Variants in EHBP1 observed in about 807,000 individuals in gnomAD.
EHBP1 encodes the protein EH domain-binding protein 1.
In EHBP1, 55 loss-of-function variants were observed where a neutral mutation model predicts 144.0. That is an observed-to-expected ratio of 0.38 (90% confidence interval 0.31 to 0.48). EHBP1 has a LOEUF of 0.48. EHBP1 is among the 20% of genes least tolerant of loss of function. The probability of loss-of-function intolerance (pLI) is 0.98; values close to 1 mark genes in which losing one functional copy is unlikely to be tolerated. For synonymous variants in EHBP1, 469 were observed against 472.7 expected, an observed-to-expected ratio of 0.99 and a Z score of 0.10; for missense variants, 1,200 against 1,364.2, an observed-to-expected ratio of 0.88 and a Z score of 1.90.
chr2:63,031,587 A>G (rs944874802), intron 19 of EHBP1, among the ~76,000 whole-genome samples: 1 of 152,188 alleles, frequency 6.6e-6, no homozygotes, highest in African/African-American at 2.4e-5. Context: ...GGCTCTTAGC[A>G]ATAAAAAGTT....
chr2:62,933,846 A>G (rs750566256), intron 10 of EHBP1, among the ~76,000 whole-genome samples: 2 of 152,164 alleles, frequency 1.3e-5, no homozygotes, highest in Non-Finnish European at 2.9e-5. Flanking sequence ...CATAAATGGA[A>G]TCATATGATA....
intron 14 of EHBP1, among the ~76,000 whole-genome samples, chr2:62,957,483 A>G (rs982813701): frequency 1.3e-5 from 2 of 152,136 alleles, no homozygotes; most frequent in Non-Finnish European, 2.9e-5. Context: ...CAATATCATA[A>G]TGGGGAACCT....
intron 21 of EHBP1, among the ~76,000 whole-genome samples, chr2:63,040,920 AGAAAAAAACACAT>A (rs2061634401): frequency 6.6e-6 from 1 of 152,254 alleles, no homozygotes; most frequent in Non-Finnish European, 1.5e-5. Flanking sequence ...AACACACCAC[AGAAAAAAACACAT>A]GAATAAGCAA....
intron 10 of EHBP1, among the ~76,000 whole-genome samples, chr2:62,912,506 T>C (rs1170227328): frequency 6.6e-6 from 1 of 152,092 alleles, no homozygotes; most frequent in Non-Finnish European, 1.5e-5. Context: ...GAGCCAAAAT[T>C]GTGTCGCTGC....
chr2:62,942,517 C>T (rs1334287343), intron 10 of EHBP1, among the ~76,000 whole-genome samples: 1 of 152,186 alleles, frequency 6.6e-6, no homozygotes, highest in Non-Finnish European at 1.5e-5. Flanking sequence ...GCATCCTTGT[C>T]AGGCAAATGC....
intron 6 of EHBP1, among the ~76,000 whole-genome samples, chr2:62,827,364 G>A (rs2152622459): frequency 6.6e-6 from 1 of 152,212 alleles, no homozygotes; most frequent in Non-Finnish European, 1.5e-5. Flanking sequence ...TTACCCTGAA[G>A]TTTAAGCCAA....
At chr2:62,945,979 T>C (rs2153083989) in intron 12 of EHBP1, among the ~76,000 whole-genome samples, 1 of 134,686 alleles carries the variant, frequency 7.4e-6, no homozygotes, top group South Asian at 2.6e-4. Flanking sequence ...CCTGTGTCTA[T>C]TAAAGTGAAA....
chr2:62,826,334 G>A, intron 6 of EHBP1, 66 bp downstream of exon 6: 1 of 1,402,064 alleles, frequency 7.1e-7, no homozygotes, highest in Non-Finnish European at 9.5e-7. Flanking sequence ...TTTTGACTCA[G>A]TAGACTGGCA....
intron 14 of EHBP1, among the ~76,000 whole-genome samples, chr2:62,963,219 T>C (rs1182568359): frequency 1.3e-5 from 2 of 152,206 alleles, no homozygotes; most frequent in Non-Finnish European, 2.9e-5. Flanking sequence ...AGTTGCTCTT[T>C]TGCAAATTAA....
chr2:62,910,337 A>G (rs1420838821), intron 10 of EHBP1, among the ~76,000 whole-genome samples: 3 of 152,202 alleles, frequency 2.0e-5, no homozygotes, highest in Admixed American at 2.0e-4. Flanking sequence ...TTAAAGAATC[A>G]TCTCTCAAAA....
chr2:62,988,149 T>C lies in EHBP1; in HGVS notation c.2609-2567T>C, dbSNP rs934478761. 6 of 657,260 alleles carry C rather than the reference T, an allele frequency of 9.1e-6. No individual in the cohort carries two copies. In the African/African-American group the frequency reaches 9.5e-5, roughly 10 times the overall value. The allele number at this position is 657,260 out of a possible 1,614,324, so 40.7% of individuals were successfully genotyped here. ...AATTTTGTAGTTTTATTACATCTTA[T>C]GGCCTCATAAACCATTTAGCTTAGT... On this transcript the variant is annotated intron_variant, in intron 15 of 22. Transcript: ENST00000431489.
chr2:62,707,106 C>T lies in EHBP1; in HGVS notation c.-86C>T, dbSNP rs1267750179. ...GTTGAGTTTTTAAAAGACATACATGCAAAGTTCCTTTGCTTTGGACCCTCT... is the reference window on the plus strand; with the variant it reads ...GTTGAGTTTTTAAAAGACATACATGTAAAGTTCCTTTGCTTTGGACCCTCT... On this transcript the variant is annotated 5_prime_UTR_variant, in exon 2 of 23. An upstream open reading frame in the 5' UTR gains an earlier in-frame stop. Coordinates refer to ENST00000431489, the MANE Select transcript of EHBP1 (RefSeq NM_001142616.3). 11 of 1,021,114 alleles carry T rather than the reference C, an allele frequency of 1.1e-5. No individual in the cohort carries two copies. The East Asian group carries it at 2.6e-4, about 25-fold the overall frequency. The allele number at this position is 1,021,114 out of a possible 1,614,324, so 63.3% of individuals were successfully genotyped here.
rs2034645098 is a variant in EHBP1 at position 62,706,879 on chromosome 2, C to T, written c.-295-18C>T. ...CTCCTCATATTCTTTCTCTTTTTGTCTTTGTTTTGCTTTTCAGCCCTCCAG... is the reference window on the plus strand; with the variant it reads ...CTCCTCATATTCTTTCTCTTTTTGTTTTTGTTTTGCTTTTCAGCCCTCCAG... On this transcript the variant is annotated intron_variant, in intron 1 of 22. Transcript: ENST00000431489. The T allele has an allele frequency of 1.2e-5, 3 of 256,918 alleles. No individual in the cohort carries two copies. Among genetic ancestry groups the T allele is most frequent in the Non-Finnish European group, 1.5e-5 (2 of 131,912 alleles). 15.9% of individuals were successfully genotyped at this position (256,918 alleles called of 1,614,324 possible). A position where few individuals can be genotyped will look rare whatever the true frequency, so the allele number is the denominator to read the frequency against.
intron 19 of EHBP1, among the ~76,000 whole-genome samples, chr2:63,033,520 T>G (rs1000901983): frequency 6.6e-6 from 1 of 152,210 alleles, no homozygotes; most frequent in Non-Finnish European, 1.5e-5. Context: ...TAAAATTGTT[T>G]TATTCCTTAT....
At chr2:62,820,737 AAT>A (rs57039974) in intron 5 of EHBP1, among the ~76,000 whole-genome samples, 3,978 of 54,382 alleles carry the variant, frequency 0.073, 88 homozygotes, top group South Asian at 0.082. Flanking sequence ...GTGTGTGTAT[AAT>A]ATATATATAT....
intron 19 of EHBP1, among the ~76,000 whole-genome samples, chr2:63,003,903 T>C (rs1186214492): frequency 1.3e-5 from 2 of 152,096 alleles, no homozygotes; most frequent in Non-Finnish European, 2.9e-5. Flanking sequence ...GAGATAGTAT[T>C]CTAAAATCTG....
intron 10 of EHBP1, among the ~76,000 whole-genome samples, chr2:62,878,158 T>C (rs761446761): frequency 6.6e-6 from 1 of 151,992 alleles, no homozygotes; most frequent in Non-Finnish European, 1.5e-5. Context: ...ACCAACCCCA[T>C]AGAAATAGGA....
At chr2:62,906,117 G>T (rs2053792177) in intron 10 of EHBP1, among the ~76,000 whole-genome samples, 1 of 148,880 alleles carries the variant, frequency 6.7e-6, no homozygotes, top group Admixed American at 6.7e-5. Flanking sequence ...GAGTTAAATT[G>T]TGTTATGTTC....
chr2:62,764,055 A>G (rs1398403188), intron 3 of EHBP1, among the ~76,000 whole-genome samples: 4 of 152,128 alleles, frequency 2.6e-5, no homozygotes, highest in South Asian at 4.1e-4. Context: ...GTCATATGAT[A>G]TAACTATCTT....
Sources: allele counts gnomAD v4.1 joint callset (sites outside exome capture counted in the v4.1 genomes callset), GRCh38; gene constraint gnomAD v4.1.1; transcripts MANE v1.5; gene names NCBI Gene and HGNC (gene_info 2026-07-23, HGNC 2026-07-21).